PTPRD: variants seen among roughly 807,000 people sequenced by gnomAD.
The protein encoded by PTPRD is protein tyrosine phosphatase receptor type D.
A neutral mutation model predicts 214.5 loss-of-function variants in PTPRD; 34 were observed. The ratio of observed to expected loss-of-function variants is 0.16; its 90% confidence interval spans 0.12 to 0.21. PTPRD has a LOEUF of 0.21. Among genes scored for constraint, PTPRD ranks in the 10% least tolerant of loss-of-function variants. The pLI, the probability that PTPRD is intolerant of heterozygous loss-of-function variation, is 1.00. For synonymous variants in PTPRD, 1,128 were observed against 845.7 expected (o/e 1.33, Z -5.79); for missense variants, 2,545 against 2,398.7 (o/e 1.06, Z -1.27).
chr9:9,702,876 A>C (rs1279742765), intron 7 of PTPRD, among the ~76,000 whole-genome samples: 1 of 152,150 alleles, frequency 6.6e-6, no homozygotes, highest in Non-Finnish European at 1.5e-5. Flanking sequence ...AACATTTCTG[A>C]CTCTATTTGT....
intron 8 of PTPRD, among the ~76,000 whole-genome samples, chr9:9,515,116 A>C (rs367690199): frequency 6.6e-6 from 1 of 152,210 alleles, no homozygotes; most frequent in South Asian, 2.1e-4. Flanking sequence ...ATTTTCCAGT[A>C]AGTCTCAATT....
chr9:9,130,624 A>C (rs2099841185), intron 10 of PTPRD, among the ~76,000 whole-genome samples: 1 of 152,198 alleles, frequency 6.6e-6, no homozygotes, highest in African/African-American at 2.4e-5. Flanking sequence ...GACTTACCTC[A>C]AAGTGAGGGG....
chr9:9,129,598 G>T (rs116070078), intron 10 of PTPRD, among the ~76,000 whole-genome samples: 1 of 151,988 alleles, frequency 6.6e-6, no homozygotes, highest in African/African-American at 2.4e-5. Context: ...TATCACTATA[G>T]GTAATATGCT....
At chr9:8,817,364 T>C (rs1445669067) in intron 11 of PTPRD, among the ~76,000 whole-genome samples, 1 of 152,204 alleles carries the variant, frequency 6.6e-6, no homozygotes, top group African/African-American at 2.4e-5. Flanking sequence ...GTAAAAGAAG[T>C]TCTATGTTCT....
intron 10 of PTPRD, among the ~76,000 whole-genome samples, chr9:9,073,807 G>C (rs1251310439): frequency 6.7e-6 from 1 of 149,058 alleles, no homozygotes; most frequent in Non-Finnish European, 1.5e-5. Context: ...ACATATGCCA[G>C]CTGAACTAAA....
chr9:10,355,300 G>A (rs192331889), intron 2 of PTPRD, among the ~76,000 whole-genome samples: 2 of 152,088 alleles, frequency 1.3e-5, no homozygotes, highest in African/African-American at 4.8e-5. Context: ...GCTATTTTTG[G>A]TCAACTAAAT....
chr9:9,275,128 TTATATATA>T lies in PTPRD; in HGVS notation c.-202-91773_-202-91766del, dbSNP rs1569566712. Among the ~76,000 whole-genome samples, 14 of 49,786 alleles carry T rather than the reference TTATATATA, an allele frequency of 2.8e-4. 1 individual carries two copies. The highest frequency in any genetic ancestry group is 1.0e-3 in the African/African-American group (14 of 13,492). The allele number at this position is 49,786 out of a possible 152,430, so 32.7% of individuals were successfully genotyped here. ...ATATATTATATATATATTATATATATTATATATAATATATATATAATATATTATATATA... is the reference window on the plus strand; with the variant it reads ...ATATATTATATATATATTATATATATATATATATATAATATATTATATATA... On this transcript the variant is annotated intron_variant, in intron 9 of 45. Coordinates refer to ENST00000381196, the MANE Select transcript of PTPRD (RefSeq NM_002839.4).
intron 14 of PTPRD, among the ~76,000 whole-genome samples, chr9:8,621,653 C>T (rs1365072682): frequency 6.6e-6 from 1 of 151,864 alleles, no homozygotes; most frequent in Non-Finnish European, 1.5e-5. Flanking sequence ...TGCTATTGAG[C>T]CAGTGAGTGT....
intron 9 of PTPRD, among the ~76,000 whole-genome samples, chr9:9,319,534 C>G (rs561462719): frequency 5.3e-4 from 80 of 152,282 alleles, no homozygotes; most frequent in African/African-American, 1.8e-3. Flanking sequence ...AAATGTTATA[C>G]AATCGGCTTT....
At chr9:9,851,933 T>C (rs573961369) in intron 5 of PTPRD, among the ~76,000 whole-genome samples, 3 of 152,280 alleles carry the variant, frequency 2.0e-5, no homozygotes, top group South Asian at 2.1e-4. Flanking sequence ...TATGAGCTAT[T>C]TATATTCACT....
chr9:9,615,074 T>C (rs1047485715), intron 7 of PTPRD, among the ~76,000 whole-genome samples: 3 of 152,122 alleles, frequency 2.0e-5, no homozygotes, highest in Non-Finnish European at 2.9e-5. Flanking sequence ...GAATATCTAA[T>C]AGATAATGTC....
chr9:8,667,702 T>G (rs1156796160), intron 12 of PTPRD, among the ~76,000 whole-genome samples: 2 of 152,074 alleles, frequency 1.3e-5, no homozygotes, highest in East Asian at 1.9e-4. Flanking sequence ...AATTTTGTGT[T>G]TAGACTTGGG....
intron 11 of PTPRD, among the ~76,000 whole-genome samples, chr9:8,964,280 T>C (rs1588977792): frequency 1.4e-5 from 2 of 144,212 alleles, no homozygotes; most frequent in East Asian, 4.5e-4. Context: ...CCTAATTCAA[T>C]CTTGGGAGAT....
chr9:9,949,650 T>G (rs924945683), intron 4 of PTPRD, among the ~76,000 whole-genome samples: 5 of 152,102 alleles, frequency 3.3e-5, no homozygotes, highest in Non-Finnish European at 7.4e-5. Flanking sequence ...TTTCTGAATC[T>G]CTACACTTTC....
intron 9 of PTPRD, among the ~76,000 whole-genome samples, chr9:9,287,033 T>C (rs113420696): frequency 0.25 from 37,303 of 147,558 alleles, 5,376 homozygotes; most frequent in Middle Eastern, 0.33. Context: ...AAGACAAGCC[T>C]GGCCAACATG....
intron 12 of PTPRD, among the ~76,000 whole-genome samples, chr9:8,710,051 G>A (rs756098527): frequency 1.3e-5 from 2 of 152,124 alleles, no homozygotes; most frequent in African/African-American, 2.4e-5. Flanking sequence ...AGGCTAATAA[G>A]GGTTCTTAAA....
intron 7 of PTPRD, among the ~76,000 whole-genome samples, chr9:9,719,869 C>T (rs1411783245): frequency 2.0e-5 from 3 of 152,196 alleles, no homozygotes; most frequent in Non-Finnish European, 4.4e-5. Flanking sequence ...GGTCCAGTCT[C>T]AGTCTCTCAT....
At chr9:9,071,839 G>T (rs941631089) in intron 10 of PTPRD, among the ~76,000 whole-genome samples, 1 of 152,102 alleles carries the variant, frequency 6.6e-6, no homozygotes, top group Non-Finnish European at 1.5e-5. Flanking sequence ...GTGGTAATTT[G>T]TTACTCTAAT....
rs957282245 is a variant in PTPRD, at chr9:9,253,260, G to C, written c.-202-69897C>G. 2.6e-5 allele frequency among the ~76,000 whole-genome samples: 4 copies of C among 151,904 alleles called. 1 individual carries two copies. The South Asian group carries it at 6.2e-4, about 24-fold the overall frequency. Reference sequence around the variant, plus strand: ...CTATTTTTTTGGCTAAAAATCTAAAGTATCTATGACTTCCATGAACATTCA... The same window carrying C: ...CTATTTTTTTGGCTAAAAATCTAAACTATCTATGACTTCCATGAACATTCA... On this transcript the variant is annotated intron_variant, in intron 9 of 45. Coordinates refer to ENST00000381196, the MANE Select transcript of PTPRD (RefSeq NM_002839.4).
Sources: allele counts gnomAD v4.1 joint callset (sites outside exome capture counted in the v4.1 genomes callset), GRCh38; gene constraint gnomAD v4.1.1; transcripts MANE v1.5; gene names NCBI Gene and HGNC (gene_info 2026-07-23, HGNC 2026-07-21).